PI4KA: variants seen among roughly 807,000 people sequenced by gnomAD.
PI4KA encodes phosphatidylinositol 4-kinase alpha, also known as PI4-kinase alpha.
PI4KA carries 122 observed loss-of-function variants against 271.4 expected under a neutral mutation model. The observed-to-expected ratio is 0.45, with a 90% CI of 0.39 to 0.52. The LOEUF (loss-of-function observed/expected upper bound fraction) is 0.52. Among genes scored for constraint, PI4KA ranks in the 20% least tolerant of loss-of-function variants. The pLI is 0.00. For synonymous variants in PI4KA, 1,041 were observed against 1,078.8 expected, an observed-to-expected ratio of 0.96 and a Z score of 0.69; for missense variants, 1,969 against 2,769.1, an observed-to-expected ratio of 0.71 and a Z score of 6.48.
chr22:20,729,821 G>A (rs1927800509), intron 37 of PI4KA, 71 bp downstream of exon 37: 1 of 1,602,228 alleles, frequency 6.2e-7, no homozygotes, highest in African/African-American at 1.3e-5. Context: ...CTGAGCAAGT[G>A]TCCATCAAGC....
chr22:20,814,576 C>G (rs1275962289), intron 7 of PI4KA, among the ~76,000 whole-genome samples: 3 of 151,576 alleles, frequency 2.0e-5, no homozygotes, highest in African/African-American at 2.4e-5. Context: ...ATAGGGAGAT[C>G]CTGTCTCTAC....
At position 20,722,258 on chromosome 22, in the gene PI4KA, C is replaced by T. The variant is rs776279696; in HGVS notation, c.4996-840G>A. On this transcript the variant is annotated intron_variant, in intron 42 of 54. Coordinates refer to ENST00000255882, the MANE Select transcript of PI4KA (RefSeq NM_058004.4). ...CTGTAGTGCAGTGGTACAATCTCAG[C>T]TCACTGCAACCTCCACCTCCCAGGT... 3.3e-5 allele frequency among the ~76,000 whole-genome samples: 5 copies of T among 152,206 alleles called. No individual in the cohort carries two copies. The South Asian group carries it at 1.0e-3, about 32-fold the overall frequency.
At position 20,729,976 on chromosome 22, in the gene PI4KA, C is replaced by T; in HGVS notation, c.4324G>A (p.Val1442Ile). ...QDTRSNLDIT[V>I]GSRQQATQGW... ...TGGGTGGCTTGTTGCCGAGAGCCGA[C>T]AGTTATGTCCAGGTTGCTCCGGGTG... Residue 1442 changes from valine (V) to isoleucine (I), a missense_variant, in exon 37 of 55, where the codon GTC (valine) becomes ATC (isoleucine). Val to Ile is a conservative substitution (Grantham distance 29). Around this residue, in one of 13 missense-constraint regions of PI4KA, gnomAD observed 23 missense variants for 23.2 expected, o/e 0.99. Coordinates refer to ENST00000255882, the MANE Select transcript of PI4KA (RefSeq NM_058004.4). 1 of 1,614,152 alleles carries T rather than the reference C, an allele frequency of 6.2e-7. No individual in the cohort carries two copies. Among genetic ancestry groups the T allele is most frequent in the Non-Finnish European group, 8.5e-7 (1 of 1,180,026 alleles).
In PI4KA at chr22:20,818,488, A is replaced by C. The variant is rs546958255; in HGVS notation, c.851T>G (p.Phe284Cys). 1 of 1,582,058 alleles carries C rather than the reference A, an allele frequency of 6.3e-7. No homozygotes were observed. Among genetic ancestry groups the C allele is most frequent in the East Asian group, 2.4e-5 (1 of 41,990 alleles). The change falls in exon 7 of 55, where the codon TTT becomes TGT. Residue 284 changes from phenylalanine to cysteine, a missense_variant. Phe to Cys is a radical substitution (Grantham distance 205, BLOSUM62 -2). Around this residue, in one of 13 missense-constraint regions of PI4KA, gnomAD observed 540 missense variants for 555.5 expected, o/e 0.97. Coordinates refer to ENST00000255882, the MANE Select transcript of PI4KA (RefSeq NM_058004.4). ...SSPGGSAFHY[F>C]EASCLPDGTA... ...TTCGGAAAGGTGAAGCCCACCTTCA[A>C]AGTAGTGAAAGGCAGATCCTCCAGG...
At chr22:20,817,265 A>G (rs1014870362) in intron 7 of PI4KA, among the ~76,000 whole-genome samples, 3 of 152,134 alleles carry the variant, frequency 2.0e-5, no homozygotes, top group African/African-American at 7.2e-5. Flanking sequence ...AAAAGGAGAG[A>G]CTATACTGAA....
Position 20,742,299 on chromosome 22 carries a change from C to G in PI4KA, c.3670G>C (p.Glu1224Gln), listed in dbSNP as rs1187066487. ...GCCAGGGCCGTCTCCATGCCATGCTCATTGAACATCCGGAGGGGACCCCAG... is the reference window on the plus strand; with the variant it reads ...GCCAGGGCCGTCTCCATGCCATGCTGATTGAACATCCGGAGGGGACCCCAG... ...LCWGPLRMFN[E>Q]HGMETALACW... The change falls in exon 32 of 55, where the codon GAG becomes CAG. Residue 1224 changes from glutamate to glutamine, a missense_variant. Glu to Gln is a conservative substitution (Grantham distance 29). Around this residue, in one of 13 missense-constraint regions of PI4KA, gnomAD observed 203 missense variants for 256.8 expected, o/e 0.79. Transcript: ENST00000255882. The G allele has an allele frequency of 3.1e-6, 5 of 1,614,086 alleles. No homozygotes were observed. The highest frequency in any genetic ancestry group is 1.3e-5 in the African/African-American group (1 of 74,942).
chr22:20,733,230 G>C, intron 35 of PI4KA, 132 bp from the exon 36 acceptor site: 1 of 960,086 alleles, frequency 1.0e-6, no homozygotes, highest in Non-Finnish European at 1.6e-6. Flanking sequence ...CCAGTCATTA[G>C]CAAGGATGAT....
intron 30 of PI4KA, 41 bp from the exon 31 acceptor site, chr22:20,742,805 G>A: frequency 6.2e-7 from 1 of 1,603,474 alleles, no homozygotes; most frequent in Non-Finnish European, 8.5e-7. Flanking sequence ...ATATAATCCA[G>A]GCAATGTGGG....
chr22:20,843,349 G>A lies in PI4KA; in HGVS notation c.157-4618C>T, dbSNP rs543723932. ...TACAAAAAATTTAATAATTAGCCAG[G>A]CACGGTGGCATGCCCCTGTAGTCCT... is the stretch of plus-strand genomic sequence containing the variant. On this transcript the variant is annotated intron_variant, in intron 1 of 54. Coordinates refer to ENST00000255882, the MANE Select transcript of PI4KA (RefSeq NM_058004.4). Among the ~76,000 whole-genome samples, 77 of 152,162 alleles carry A rather than the reference G, an allele frequency of 5.1e-4. 1 individual carries two copies. In the Middle Eastern group the frequency reaches 0.014, roughly 27 times the overall value.
At chr22:20,799,613 C>A (rs1935181224) in intron 15 of PI4KA, 58 bp downstream of exon 15, 3 of 1,212,694 alleles carry the variant, frequency 2.5e-6, no homozygotes, top group Admixed American at 2.0e-5. Context: ...GCCAGGTGCC[C>A]CACACGAGCC....
rs1925280373 is a variant in PI4KA, at chr22:20,711,597, C to A, written c.5803-136G>T. ...CCCACTGTGGAAGCAGAGCCCGAAT[C>A]AGCAAGCCAGTCTTCGGTAGCAGGA... On this transcript the variant is annotated intron_variant, in intron 50 of 54. Transcript: ENST00000255882. 7.4e-6 allele frequency: 7 copies of A among 947,114 alleles called. No homozygotes were observed. The South Asian group carries it at 9.4e-5, about 13-fold the overall frequency. 58.7% of individuals were successfully genotyped at this position (947,114 alleles called of 1,614,324 possible). A position where few individuals can be genotyped will look rare whatever the true frequency, so the allele number is the denominator to read the frequency against.
At chr22:20,761,523 C>G (rs1931970733) in intron 22 of PI4KA, 137 bp from the exon 23 acceptor site, 1 of 658,670 alleles carries the variant, frequency 1.5e-6, no homozygotes, top group African/African-American at 1.8e-5. Context: ...CTGAGGTGGA[C>G]TTTTTGGAGG....
Position 20,733,042 on chromosome 22 carries a change from A to C in PI4KA, c.4217T>G (p.Ile1406Ser), listed in dbSNP as rs2147248702. 1 of 1,611,666 alleles carries C rather than the reference A, an allele frequency of 6.2e-7. No homozygotes were observed. Among genetic ancestry groups the C allele is most frequent in the Non-Finnish European group, 8.5e-7 (1 of 1,179,592 alleles). The change falls in exon 36 of 55, where the codon ATC becomes AGC. Residue 1406 changes from isoleucine to serine, a missense_variant. Coordinates refer to ENST00000255882, the MANE Select transcript of PI4KA (RefSeq NM_058004.4). ...GEKRLREDIS[I>S]MIKFWTAMFS... ...CATGGCGGTCCAAAATTTAATCATG[A>C]TGCTTATGTCTTCACGCAGCCGCTT...
At chr22:20,719,046 C>T (rs1462262951) in intron 43 of PI4KA, among the ~76,000 whole-genome samples, 1 of 152,156 alleles carries the variant, frequency 6.6e-6, no homozygotes, top group Non-Finnish European at 1.5e-5. Context: ...AGGGGCCAAG[C>T]GCACAAGTGG....
Position 20,858,712 on chromosome 22 carries a change from G to C in PI4KA, c.14C>G (p.Pro5Arg). MAAA[P>R]ARGGGGGGGG... ...GCCTCCGCCTCCGCCTCCCCGGGCC[G>C]GGGCCGCCGCCATCACCTCACGAGC... The change falls in exon 1 of 55, where the codon CCG (proline) becomes CGG (arginine). Residue 5 changes from proline to arginine, a missense_variant. By Grantham distance (103) the Pro-to-Arg change is moderately radical. Coordinates refer to ENST00000255882, the MANE Select transcript of PI4KA (RefSeq NM_058004.4). 6.9e-7 allele frequency: 1 copy of C among 1,443,224 alleles called. No homozygotes were observed. Among genetic ancestry groups the C allele is most frequent in the Non-Finnish European group, 9.1e-7 (1 of 1,104,218 alleles). The allele number at this position is 1,443,224 out of a possible 1,614,324, so 89.4% of individuals were successfully genotyped here.
chr22:20,788,136 G>A (rs1934391091), intron 19 of PI4KA, among the ~76,000 whole-genome samples: 2 of 152,354 alleles, frequency 1.3e-5, no homozygotes, highest in Middle Eastern at 6.8e-3. Context: ...GTGAGGGGAT[G>A]ACTGACGGTC....
chr22:20,727,219 C>T lies in PI4KA; in HGVS notation c.4941+11G>A. 7 of 1,610,760 alleles carry T rather than the reference C, an allele frequency of 4.3e-6. No individual in the cohort carries two copies. The highest frequency in any genetic ancestry group is 5.9e-6 in the Non-Finnish European group (7 of 1,179,238). ...CTACCAGAGGCCAGCTCAGCAGGGC[C>T]CTGGGCTCACCGGAGGGAAGGACCG... On this transcript the variant is annotated intron_variant, in intron 41 of 54. Coordinates refer to ENST00000255882, the MANE Select transcript of PI4KA (RefSeq NM_058004.4).
chr22:20,756,519 C>T (rs1931324776), intron 23 of PI4KA, among the ~76,000 whole-genome samples: 1 of 152,100 alleles, frequency 6.6e-6, no homozygotes, highest in African/African-American at 2.4e-5. Flanking sequence ...CACACCTGGC[C>T]TAGTATAATA....
chr22:20,742,394 C>T (rs1257765355), intron 31 of PI4KA, 39 bp from the exon 32 acceptor site: 3 of 1,603,854 alleles, frequency 1.9e-6, no homozygotes, highest in Non-Finnish European at 2.6e-6. Flanking sequence ...CCTCCAACAA[C>T]AGCTGAACCC....
Sources: allele counts gnomAD v4.1 joint callset (sites outside exome capture counted in the v4.1 genomes callset), GRCh38; gene constraint gnomAD v4.1.1; regional missense constraint gnomAD v4.1.1; transcripts MANE v1.5; gene names NCBI Gene and HGNC (gene_info 2026-07-23, HGNC 2026-07-21).